Variants in PACRG observed in about 807,000 individuals in gnomAD.
PACRG encodes the protein parkin coregulated.
In PACRG, 29 loss-of-function variants were observed where a neutral mutation model predicts 29.7. The observed-to-expected ratio is 0.98, with a 90% confidence interval of 0.73 to 1.33. The LOEUF is 1.33. Among genes scored for constraint, PACRG ranks in the 40% most tolerant of loss-of-function variants. PACRG has a pLI of 0.00. For synonymous variants in PACRG, 116 were observed against 118.7 expected (o/e 0.98, Z 0.15); for missense variants, 279 against 316.2 (o/e 0.88, Z 0.89).
At chr6:163,116,946 C>G (rs1236594562) in intron 4 of PACRG, among the ~76,000 whole-genome samples, 2 of 152,098 alleles carry the variant, frequency 1.3e-5, no homozygotes, top group Admixed American at 6.5e-5. Flanking sequence ...CGAGCACTCA[C>G]AGAAGCAAGT....
intron 2 of PACRG, among the ~76,000 whole-genome samples, chr6:162,958,639 A>G (rs1364968401): frequency 6.6e-6 from 1 of 151,786 alleles, no homozygotes; most frequent in Non-Finnish European, 1.5e-5. Flanking sequence ...ACTTGACACT[A>G]AGGATAAAGC....
chr6:163,058,383 C>T (rs1458551301), intron 2 of PACRG, among the ~76,000 whole-genome samples: 3 of 152,232 alleles, frequency 2.0e-5, no homozygotes, highest in East Asian at 1.9e-4. Flanking sequence ...GGCAGTGAGA[C>T]GAGGTGTTTG....
At chr6:163,092,716 G>T (rs1562907355) in intron 4 of PACRG, among the ~76,000 whole-genome samples, 1 of 152,128 alleles carries the variant, frequency 6.6e-6, no homozygotes, top group African/African-American at 2.4e-5. Flanking sequence ...TAGAGACAAG[G>T]TGTTCAGGGC....
intron 4 of PACRG, among the ~76,000 whole-genome samples, chr6:163,223,712 C>G (rs887508897): frequency 1.3e-5 from 2 of 152,156 alleles, no homozygotes; most frequent in African/African-American, 4.8e-5. Context: ...CTGCTTTTTG[C>G]TGGCTTTAGC....
chr6:163,096,380 C>A (rs1335422203), intron 4 of PACRG, among the ~76,000 whole-genome samples: 1 of 152,134 alleles, frequency 6.6e-6, no homozygotes, highest in African/African-American at 2.4e-5. Context: ...GGGGTTTGTA[C>A]CAATAAATGT....
intron 2 of PACRG, among the ~76,000 whole-genome samples, chr6:162,865,520 G>C (rs1182152862): frequency 6.6e-6 from 1 of 152,098 alleles, no homozygotes; most frequent in Non-Finnish European, 1.5e-5. Flanking sequence ...ACTTTCTAAA[G>C]AAGATTTTAA....
chr6:163,134,460 T>G (rs1399251519), intron 4 of PACRG, among the ~76,000 whole-genome samples: 1 of 152,154 alleles, frequency 6.6e-6, no homozygotes, highest in Non-Finnish European at 1.5e-5. Context: ...GTGCAGGGCC[T>G]CAAGCAACTT....
chr6:163,162,940 G>A (rs916367621), intron 4 of PACRG, among the ~76,000 whole-genome samples: 1 of 152,220 alleles, frequency 6.6e-6, no homozygotes, highest in Admixed American at 6.5e-5. Context: ...CAGAGCCAGG[G>A]AGGTGGAGCT....
intron 4 of PACRG, among the ~76,000 whole-genome samples, chr6:163,179,929 C>T (rs890173426): frequency 1.3e-5 from 2 of 152,204 alleles, no homozygotes; most frequent in African/African-American, 2.4e-5. Context: ...CCAGGCACCC[C>T]GTCCAGTGTC....
rs143992422 is a variant in PACRG at position 163,187,042 on chromosome 6, CA to C, written c.613+97636del. On this transcript the variant is annotated intron_variant, in intron 4 of 4. Transcript: ENST00000366888. ...CAGGGAGGGAGACACCCCCCGTCCTCAAGCTCCACAGGGTCCCGGGTAATTT... is the reference window on the plus strand; with the variant it reads ...CAGGGAGGGAGACACCCCCCGTCCTCAGCTCCACAGGGTCCCGGGTAATTT... Among the ~76,000 whole-genome samples the C allele has an allele frequency of 2.9e-3, 444 of 152,372 alleles. 2 individuals are homozygous for C. Among genetic ancestry groups the C allele is most frequent in the African/African-American group, 0.01 (429 of 41,596 alleles).
chr6:162,932,805 C>T (rs1470085333), intron 2 of PACRG, among the ~76,000 whole-genome samples: 1 of 151,642 alleles, frequency 6.6e-6, no homozygotes, highest in Admixed American at 6.6e-5. Context: ...GCCAATTTTG[C>T]TTATCTTTAA....
intron 3 of PACRG, among the ~76,000 whole-genome samples, chr6:163,064,220 T>C (rs934655374): frequency 7.2e-5 from 11 of 152,136 alleles, no homozygotes; most frequent in African/African-American, 2.7e-4. Context: ...TTGTCTGCAA[T>C]TAAAGCATAC....
intron 1 of PACRG, among the ~76,000 whole-genome samples, chr6:162,802,299 A>G (rs1232927214): frequency 6.6e-6 from 1 of 152,132 alleles, no homozygotes; most frequent in African/African-American, 2.4e-5. Context: ...TCTAATTTAG[A>G]GCTATTTTCT....
intron 1 of PACRG, among the ~76,000 whole-genome samples, chr6:162,806,997 G>A (rs1786398152): frequency 6.6e-6 from 1 of 152,160 alleles, no homozygotes; most frequent in South Asian, 2.1e-4. Context: ...TTCTCCATCA[G>A]CACTTGCTGC....
At chr6:162,823,794 T>C (rs1333126940) in intron 2 of PACRG, among the ~76,000 whole-genome samples, 2 of 152,174 alleles carry the variant, frequency 1.3e-5, no homozygotes, top group African/African-American at 4.8e-5. Context: ...ATTACAGGCC[T>C]GAACCACCGC....
chr6:163,003,501 G>A (rs764280972), intron 2 of PACRG, among the ~76,000 whole-genome samples: 2 of 152,128 alleles, frequency 1.3e-5, no homozygotes, highest in African/African-American at 2.4e-5. Flanking sequence ...ATAGACAGCA[G>A]GAGATAAAAG....
At chr6:163,053,824 G>A (rs1410509112) in intron 2 of PACRG, 2 of 152,064 alleles carry the variant, frequency 1.3e-5, no homozygotes, top group Non-Finnish European at 2.9e-5. Context: ...CTCATCATCT[G>A]GTCATTGTTC....
intron 2 of PACRG, among the ~76,000 whole-genome samples, chr6:163,049,478 A>G (rs1470591484): frequency 6.6e-6 from 1 of 152,080 alleles, no homozygotes; most frequent in Non-Finnish European, 1.5e-5. Flanking sequence ...GAGACTCAAA[A>G]ATCAGCATCT....
chr6:162,886,423 C>G (rs1794338293), intron 2 of PACRG, among the ~76,000 whole-genome samples: 2 of 152,166 alleles, frequency 1.3e-5, no homozygotes, highest in African/African-American at 4.8e-5. Flanking sequence ...CTGTTTCATT[C>G]TTATGTATCC....
Sources: allele counts gnomAD v4.1 joint callset (sites outside exome capture counted in the v4.1 genomes callset), GRCh38; gene constraint gnomAD v4.1.1; transcripts MANE v1.5; gene names NCBI Gene and HGNC (gene_info 2026-07-23, HGNC 2026-07-21).